The following CPNE4 variants were observed in gnomAD, a reference collection of about 807,000 sequenced individuals.
CPNE4 encodes the protein copine 4, also known as copine-4.
Under a neutral mutation model 67.9 loss-of-function variants are expected in CPNE4, and 25 were observed. The observed-to-expected ratio is 0.37, with a 90% CI of 0.27 to 0.51. The LOEUF (loss-of-function observed/expected upper bound fraction) is 0.51, where lower values mean the gene tolerates loss of function less well. Ranked by LOEUF, CPNE4 falls within the 20% of genes least tolerant of loss-of-function variation. The pLI is 0.93. For missense variants in CPNE4, 464 were observed against 690.8 expected (o/e 0.67, Z 3.68); for synonymous variants, 242 against 244.9 (o/e 0.99, Z 0.11).
At chr3:131,679,225 G>T (rs1431996184) in intron 6 of CPNE4, among the ~76,000 whole-genome samples, 2 of 152,080 alleles carry the variant, frequency 1.3e-5, no homozygotes, top group East Asian at 1.9e-4. Context: ...GCATAGCGGT[G>T]TTTATAACAT....
chr3:131,603,826 T>A (rs1939347146), intron 7 of CPNE4, among the ~76,000 whole-genome samples: 1 of 152,176 alleles, frequency 6.6e-6, no homozygotes, highest in South Asian at 2.1e-4. Context: ...TTCTGCATAG[T>A]CCTCAGTTGA....
At chr3:131,983,675 G>A (rs1382278487) in intron 1 of CPNE4, among the ~76,000 whole-genome samples, 1 of 152,086 alleles carries the variant, frequency 6.6e-6, no homozygotes, top group African/African-American at 2.4e-5. Context: ...TTGAGAACAA[G>A]CAAAGATAAA....
intron 2 of CPNE4, among the ~76,000 whole-genome samples, chr3:131,880,911 T>A (rs1362103072): frequency 6.6e-6 from 1 of 152,224 alleles, no homozygotes; most frequent in East Asian, 1.9e-4. Context: ...AAGATGTTTT[T>A]GAAGTATAAC....
Position 131,537,258 on chromosome 3 carries a change from A to G in CPNE4, c.1540-1929T>C, listed in dbSNP as rs139158355. 2.0e-5 allele frequency among the ~76,000 whole-genome samples: 3 copies of G among 151,498 alleles called. No homozygotes were observed. The East Asian group carries it at 5.8e-4, about 29-fold the overall frequency. On this transcript the variant is annotated intron_variant, in intron 15 of 15. Transcript: ENST00000429747. Reference sequence around the variant, plus strand: ...GGAGGTCATGGTGCTAGTGTTCTGGAAGACTTGTACATTTTTTCTTTTCTG... The same window carrying G: ...GGAGGTCATGGTGCTAGTGTTCTGGGAGACTTGTACATTTTTTCTTTTCTG...
intron 7 of CPNE4, among the ~76,000 whole-genome samples, chr3:131,638,126 G>GA (rs199878117): frequency 5.1e-4 from 76 of 148,512 alleles, no homozygotes; most frequent in African/African-American, 1.3e-3. Flanking sequence ...ATAACACAAT[G>GA]AAAAAAAAAC....
At chr3:131,799,237 A>G (rs1433939403) in intron 2 of CPNE4, among the ~76,000 whole-genome samples, 1 of 152,190 alleles carries the variant, frequency 6.6e-6, no homozygotes, top group East Asian at 1.9e-4. Flanking sequence ...TGAAGTAAAA[A>G]TAAACTCATT....
chr3:131,920,807 A>G (rs2070722174), intron 1 of CPNE4, among the ~76,000 whole-genome samples: 1 of 152,074 alleles, frequency 6.6e-6, no homozygotes, highest in Non-Finnish European at 1.5e-5. Flanking sequence ...CTCAGAACCA[A>G]ATGTTCATGG....
chr3:131,868,592 T>G (rs960190004), intron 2 of CPNE4, among the ~76,000 whole-genome samples: 5 of 152,216 alleles, frequency 3.3e-5, no homozygotes, highest in Admixed American at 6.5e-5. Flanking sequence ...CCAAATAAAT[T>G]CTAACTGACA....
chr3:131,719,893 C>T (rs1296305414), intron 3 of CPNE4, among the ~76,000 whole-genome samples: 1 of 152,236 alleles, frequency 6.6e-6, no homozygotes, highest in Non-Finnish European at 1.5e-5. Context: ...ACATGTCTTA[C>T]TGGACACACG....
intron 1 of CPNE4, among the ~76,000 whole-genome samples, chr3:132,000,326 G>A (rs1199682514): frequency 5.9e-5 from 9 of 151,930 alleles, no homozygotes; most frequent in Non-Finnish European, 1.5e-5. Context: ...ACAATGTGGT[G>A]CTTAACAAGT....
chr3:131,629,980 C>T (rs756803323), intron 7 of CPNE4, among the ~76,000 whole-genome samples: 1 of 152,026 alleles, frequency 6.6e-6, no homozygotes, highest in Non-Finnish European at 1.5e-5. Context: ...TTGTACTGTA[C>T]TCATCCTTCT....
chr3:131,843,024 T>C (rs2085856078), intron 2 of CPNE4, among the ~76,000 whole-genome samples: 1 of 152,178 alleles, frequency 6.6e-6, no homozygotes, highest in Admixed American at 6.6e-5. Context: ...TATGCAAGGG[T>C]ACCTTGGGTT....
chr3:131,974,991 G>A (rs544233940), intron 1 of CPNE4, among the ~76,000 whole-genome samples: 1 of 152,122 alleles, frequency 6.6e-6, no homozygotes, highest in African/African-American at 2.4e-5. Flanking sequence ...CTGGGTGACA[G>A]AGCCAGACCC....
chr3:131,954,968 G>GAAAAA (rs3041609), intron 1 of CPNE4, among the ~76,000 whole-genome samples: 1 of 137,506 alleles, frequency 7.3e-6, no homozygotes, highest in Non-Finnish European at 1.6e-5. Context: ...GTATGCATGT[G>GAAAAA]AAAAAAAAAA....
chr3:131,661,153 C>A (rs1399249266), intron 7 of CPNE4, among the ~76,000 whole-genome samples: 8 of 152,162 alleles, frequency 5.3e-5, no homozygotes, highest in Non-Finnish European at 1.2e-4. Flanking sequence ...AGAACAATTA[C>A]AGAGTTCAAT....
At chr3:132,027,703 C>A (rs2141568) in intron 1 of CPNE4, among the ~76,000 whole-genome samples, 138,907 of 151,782 alleles carry the variant, frequency 0.92, 63,785 homozygotes, top group African/African-American at 0.94. Flanking sequence ...TTGACTTTTG[C>A]CACTGAAATT....
intron 1 of CPNE4, chr3:131,986,047 ATTAT>A (rs1384603148): frequency 6.5e-6 from 1 of 153,660 alleles, no homozygotes; most frequent in East Asian, 1.9e-4. Flanking sequence ...CATTGAAAAC[ATTAT>A]TTAAACATAT....
chr3:131,647,236 T>G (rs1000529571), intron 7 of CPNE4, among the ~76,000 whole-genome samples: 1 of 152,246 alleles, frequency 6.6e-6, no homozygotes, highest in African/African-American at 2.4e-5. Context: ...CCTTTCCTTT[T>G]AGAATACATA....
intron 1 of CPNE4, among the ~76,000 whole-genome samples, chr3:131,960,785 A>G (rs183283746): frequency 3.3e-5 from 5 of 152,152 alleles, no homozygotes; most frequent in Admixed American, 1.3e-4. Flanking sequence ...ACCCTGACCA[A>G]TGAAAAACCC....
Sources: allele counts gnomAD v4.1 joint callset (sites outside exome capture counted in the v4.1 genomes callset), GRCh38; gene constraint gnomAD v4.1.1; transcripts MANE v1.5; gene names NCBI Gene and HGNC (gene_info 2026-07-23, HGNC 2026-07-21).